Variants in CSNK2A2IP observed in about 807,000 individuals in gnomAD.
The protein encoded by CSNK2A2IP is casein kinase II subunit alpha'-interacting protein.
At chr3:88,345,156 G>C in the CSNK2A2IP span, among the ~76,000 whole-genome samples, 1 of 151,910 alleles carries the variant, frequency 6.6e-6, no homozygotes, top group Non-Finnish European at 1.5e-5. Flanking sequence ...ATCTCTCCAA[G>C]TTCTCACTGC....
the CSNK2A2IP span, among the ~76,000 whole-genome samples, chr3:88,364,232 C>A: frequency 6.6e-6 from 1 of 151,964 alleles, no homozygotes; most frequent in Admixed American, 6.5e-5. Flanking sequence ...AATTTGTTGA[C>A]TTGTGTCCAG....
chr3:88,433,802 T>C, the CSNK2A2IP span, among the ~76,000 whole-genome samples: 2 of 152,164 alleles, frequency 1.3e-5, no homozygotes, highest in African/African-American at 4.8e-5. Context: ...TAGGCTTGGA[T>C]GCTGATCTTG....
chr3:88,457,745 T>TC, the CSNK2A2IP span, among the ~76,000 whole-genome samples: 7 of 151,242 alleles, frequency 4.6e-5, no homozygotes, highest in East Asian at 3.9e-4. Context: ...TAAAATAAAA[T>TC]AAAATAAAAT....
At chr3:88,378,336 T>A in the CSNK2A2IP span, among the ~76,000 whole-genome samples, 1 of 151,922 alleles carries the variant, frequency 6.6e-6, no homozygotes, top group African/African-American at 2.4e-5. Context: ...TGAACTGAAC[T>A]TCTGAATACA....
chr3:88,370,213 A>G, the CSNK2A2IP span, among the ~76,000 whole-genome samples: 6 of 151,940 alleles, frequency 3.9e-5, no homozygotes, highest in Non-Finnish European at 5.9e-5. Flanking sequence ...TGGAATGGGC[A>G]TTGCAATGGG....
At chr3:88,454,849 T>A in the CSNK2A2IP span, among the ~76,000 whole-genome samples, 1 of 151,902 alleles carries the variant, frequency 6.6e-6, no homozygotes, top group South Asian at 2.1e-4. Flanking sequence ...CGGTGCATTA[T>A]TATTAACCTC....
chr3:88,372,971 G>A, the CSNK2A2IP span, among the ~76,000 whole-genome samples: 1 of 151,280 alleles, frequency 6.6e-6, no homozygotes, highest in Non-Finnish European at 1.5e-5. Context: ...TAAGAGACCT[G>A]CAAAATACTT....
At chr3:88,433,690 A>G in the CSNK2A2IP span, among the ~76,000 whole-genome samples, 24 of 152,186 alleles carry the variant, frequency 1.6e-4, no homozygotes, top group Non-Finnish European at 3.4e-4. Flanking sequence ...CCGTGGCTGC[A>G]GCTAGCATCA....
At chr3:88,430,194 T>A in the CSNK2A2IP span, among the ~76,000 whole-genome samples, 1 of 152,138 alleles carries the variant, frequency 6.6e-6, no homozygotes, top group African/African-American at 2.4e-5. Context: ...CTCCTCACTA[T>A]TCAGCACTGT....
chr3:88,344,763 C>T, the CSNK2A2IP span, among the ~76,000 whole-genome samples: 2 of 151,894 alleles, frequency 1.3e-5, no homozygotes, highest in African/African-American at 2.4e-5. Context: ...ATCACTACCA[C>T]ATTGTAAATT....
the CSNK2A2IP span, among the ~76,000 whole-genome samples, chr3:88,428,264 A>G: frequency 1.3e-5 from 2 of 152,150 alleles, no homozygotes; most frequent in African/African-American, 2.4e-5. Flanking sequence ...CCTCCAATGT[A>G]TCTAGGAAGC....
chr3:88,439,523 C>A, the CSNK2A2IP span, among the ~76,000 whole-genome samples: 1 of 151,750 alleles, frequency 6.6e-6, no homozygotes, highest in African/African-American at 2.4e-5. Context: ...GCAGGCAGAT[C>A]ATGAGGTCAG....
At chr3:88,394,867 TG>T in the CSNK2A2IP span, among the ~76,000 whole-genome samples, 1 of 152,168 alleles carries the variant, frequency 6.6e-6, no homozygotes, top group African/African-American at 2.4e-5. Context: ...CAACAGACAC[TG>T]GGGTCTACTT....
chr3:88,395,163 G>T, the CSNK2A2IP span, among the ~76,000 whole-genome samples: 1 of 152,256 alleles, frequency 6.6e-6, no homozygotes, highest in Non-Finnish European at 1.5e-5. Context: ...CCTAGTTTTT[G>T]TTAATGGTGT....
chr3:88,416,375 T>C, the CSNK2A2IP span, among the ~76,000 whole-genome samples: 2 of 152,142 alleles, frequency 1.3e-5, no homozygotes, highest in African/African-American at 2.4e-5. Context: ...CCTTTGCTTT[T>C]TGTTTATAGA....
the CSNK2A2IP span, among the ~76,000 whole-genome samples, chr3:88,385,519 T>G: frequency 6.6e-6 from 1 of 150,440 alleles, no homozygotes; most frequent in African/African-American, 2.4e-5. Context: ...ACTTTTTTTT[T>G]GTTTTTCTTC....
the CSNK2A2IP span, among the ~76,000 whole-genome samples, chr3:88,378,940 C>T: frequency 6.6e-6 from 1 of 151,934 alleles, no homozygotes. Context: ...AAGATAATAA[C>T]AAACATAAAA....
At chr3:88,419,154 A>G in the CSNK2A2IP span, among the ~76,000 whole-genome samples, 1 of 152,178 alleles carries the variant, frequency 6.6e-6, no homozygotes, top group Non-Finnish European at 1.5e-5. Flanking sequence ...TTCATTATAT[A>G]TTACAATGTA....
the CSNK2A2IP span, among the ~76,000 whole-genome samples, chr3:88,408,054 A>G: frequency 8.5e-5 from 13 of 152,336 alleles, no homozygotes; most frequent in African/African-American, 2.9e-4. Flanking sequence ...GTAATAAATT[A>G]ATTTTAAAAT....
Sources: gnomAD v4.1 joint callset for allele counts (sites outside exome capture counted in the v4.1 genomes callset) on GRCh38, gnomAD v4.1.1 for gene constraint, MANE v1.5 for transcripts, NCBI Gene and HGNC (gene_info 2026-07-23, HGNC 2026-07-21) for gene names.